Variants in RPP14 observed in about 807,000 individuals in gnomAD.
RPP14 encodes the protein ribonuclease P protein subunit p14.
Under a neutral mutation model 17.8 loss-of-function variants are expected in RPP14, and 19 were observed. The observed-to-expected ratio is 1.07, with a 90% confidence interval of 0.74 to 1.57. The LOEUF is 1.57. RPP14 is among the 40% of genes most tolerant of loss of function. The probability of loss-of-function intolerance (pLI) is 0.00; values close to 1 mark genes in which losing one functional copy is unlikely to be tolerated. For missense variants in RPP14, 125 were observed against 140.8 expected (o/e 0.89, Z 0.57); for synonymous variants, 60 against 56.4 (o/e 1.06, Z -0.29).
intron 1 of RPP14, chr3:58,307,994 T>C (rs1414800300): frequency 2.0e-5 from 3 of 152,144 alleles, no homozygotes; most frequent in African/African-American, 4.8e-5. Context: ...GTCTTCGTTT[T>C]ACTGGCATCT....
At chr3:58,309,367 A>G (rs1413886969) in intron 1 of RPP14, among the ~76,000 whole-genome samples, 4 of 152,222 alleles carry the variant, frequency 2.6e-5, no homozygotes, top group African/African-American at 9.6e-5. Flanking sequence ...AAATGGGAAT[A>G]ATAATACCTC....
At chr3:58,310,786 T>A (rs925058346) in intron 3 of RPP14, among the ~76,000 whole-genome samples, 195 bp downstream of exon 3, 1 of 151,928 alleles carries the variant, frequency 6.6e-6, no homozygotes, top group Non-Finnish European at 1.5e-5. Context: ...AAAGATAAGC[T>A]GGGTGTGGTG....
intron 3 of RPP14, among the ~76,000 whole-genome samples, chr3:58,313,215 C>T (rs966804787): frequency 3.9e-5 from 6 of 152,082 alleles, no homozygotes; most frequent in Admixed American, 6.5e-5. Flanking sequence ...GCCGAGATCA[C>T]GCCACTGCAC....
At chr3:58,310,675 G>A (rs898942841) in intron 3 of RPP14, 84 bp downstream of exon 3, 45 of 1,179,112 alleles carry the variant, frequency 3.8e-5, no homozygotes, top group Non-Finnish European at 5.1e-5. Context: ...GCTCACGCCT[G>A]TAATCCCAGC....
intron 1 of RPP14, among the ~76,000 whole-genome samples, chr3:58,309,667 G>A (rs865854388): frequency 1.3e-5 from 2 of 152,122 alleles, no homozygotes; most frequent in Non-Finnish European, 1.5e-5. Context: ...CGAGGCAGGC[G>A]TATCACGAGG....
chr3:58,307,947 A>G (rs1385439777), intron 1 of RPP14: 1 of 151,858 alleles, frequency 6.6e-6, no homozygotes, highest in Admixed American at 6.6e-5. Flanking sequence ...AACGCTGTGC[A>G]GCCATCACCA....
rs777856787 is a variant in RPP14 at position 58,317,592 on chromosome 3, A to G, written c.*96A>G. On this transcript the variant is annotated 3_prime_UTR_variant, in exon 6 of 6. Transcript: ENST00000295959. Reference sequence around the variant, plus strand: ...GACTGAAGCAGGCTAAAAGCTCTTGATGAAATTTGAGGGTGCTGAAGATGT... The same window carrying G: ...GACTGAAGCAGGCTAAAAGCTCTTGGTGAAATTTGAGGGTGCTGAAGATGT... 2.3e-6 allele frequency: 2 copies of G among 876,624 alleles called. No homozygotes were observed. The highest frequency in any genetic ancestry group is 1.7e-5 in the African/African-American group (1 of 60,542). The allele number at this position is 876,624 out of a possible 1,614,324, so 54.3% of individuals were successfully genotyped here.
intron 3 of RPP14, among the ~76,000 whole-genome samples, chr3:58,314,274 C>G (rs2097485620): frequency 6.6e-6 from 1 of 152,146 alleles, no homozygotes; most frequent in Non-Finnish European, 1.5e-5. Context: ...CCACTTGAAC[C>G]TGGGAGGCGG....
Position 58,318,338 on chromosome 3 carries a change from GT to G in RPP14, c.*848del. On this transcript the variant is annotated 3_prime_UTR_variant, in exon 6 of 6. Transcript: ENST00000295959. The stretch of plus-strand genomic sequence containing the variant: ...ATGCAGGATTTCATTATCTGCCTGG[GT>G]TTTTTGTTTGTTTTTTGTTTTTTAA... 1 of 424,714 alleles carries G rather than the reference GT, an allele frequency of 2.4e-6. No homozygotes were observed. The highest frequency in any genetic ancestry group is 4.1e-6 in the Non-Finnish European group (1 of 241,360). 26.3% of individuals were successfully genotyped at this position (424,714 alleles called of 1,614,324 possible).
At chr3:58,311,779 G>A (rs2097482519) in intron 3 of RPP14, among the ~76,000 whole-genome samples, 1 of 151,638 alleles carries the variant, frequency 6.6e-6, no homozygotes. Flanking sequence ...ATGCCCAGCT[G>A]CACATGTCTT....
In RPP14 at chr3:58,317,757, C is replaced by T. The variant is rs1359521784; in HGVS notation, c.*261C>T. ...ACCGCGCTGAACTTAGGAGGGCCTTCACACAGACTGATGTGGCTACCTTCT... is the reference window on the plus strand; with the variant it reads ...ACCGCGCTGAACTTAGGAGGGCCTTTACACAGACTGATGTGGCTACCTTCT... On this transcript the variant is annotated 3_prime_UTR_variant, in exon 6 of 6. Transcript: ENST00000295959. The T allele has an allele frequency of 1.4e-6, 1 of 703,134 alleles. No homozygotes were observed. Among genetic ancestry groups the T allele is most frequent in the Non-Finnish European group, 2.6e-6 (1 of 385,014 alleles). The allele number at this position is 703,134 out of a possible 1,614,324, so 43.6% of individuals were successfully genotyped here.
rs981160076 is a variant in RPP14, at chr3:58,319,907, C to T, written c.*2411C>T. ...TTTTCAGAATATCCACAAAGTTGTA[C>T]AACCATCACCAAATCAATTTTTTAT... On this transcript the variant is annotated 3_prime_UTR_variant, in exon 6 of 6. Coordinates refer to ENST00000295959, the MANE Select transcript of RPP14 (RefSeq NM_007042.6). 3 of 152,098 alleles carry T rather than the reference C, an allele frequency of 2.0e-5. No homozygotes were observed. Among genetic ancestry groups the T allele is most frequent in the Non-Finnish European group, 4.4e-5 (3 of 68,010 alleles). The allele number at this position is 152,098 out of a possible 1,614,324, so 9.4% of individuals were successfully genotyped here. A position where few individuals can be genotyped will look rare whatever the true frequency, so the allele number is the denominator to read the frequency against.
At chr3:58,313,198 G>T (rs1434877173) in intron 3 of RPP14, among the ~76,000 whole-genome samples, 1 of 152,010 alleles carries the variant, frequency 6.6e-6, no homozygotes, top group African/African-American at 2.4e-5. Context: ...GGTGGAGCTT[G>T]CAGTGAGCCG....
chr3:58,311,130 C>T (rs556640697), intron 3 of RPP14, among the ~76,000 whole-genome samples: 6 of 117,148 alleles, frequency 5.1e-5, no homozygotes, highest in African/African-American at 2.1e-4. Context: ...CTCATGAAAT[C>T]TACTTTTTGT....
At chr3:58,311,293 T>G (rs1160093923) in intron 3 of RPP14, among the ~76,000 whole-genome samples, 1 of 152,138 alleles carries the variant, frequency 6.6e-6, no homozygotes, top group Non-Finnish European at 1.5e-5. Context: ...TAGCTGAGAT[T>G]ACAGGCACAC....
intron 4 of RPP14, 107 bp from the exon 5 acceptor site, chr3:58,316,808 G>A (rs1428487300): frequency 9.6e-7 from 1 of 1,041,104 alleles, no homozygotes; most frequent in East Asian, 2.4e-5. Flanking sequence ...TTTTCCCATT[G>A]ATGGTTATAG....
At chr3:58,308,048 TC>T (rs1166255263) in intron 1 of RPP14, 7 of 151,434 alleles carry the variant, frequency 4.6e-5, no homozygotes, top group Non-Finnish European at 1.0e-4. Context: ...GGCAGCCAGC[TC>T]CATCAAGGCA....
chr3:58,306,740 T>G (rs2097475383), intron 1 of RPP14: 1 of 152,266 alleles, frequency 6.6e-6, no homozygotes, highest in Non-Finnish European at 1.5e-5. Flanking sequence ...AGTGATTGAT[T>G]TAGTCCAAAA....
intron 3 of RPP14, among the ~76,000 whole-genome samples, chr3:58,313,063 A>G (rs1296926195): frequency 6.6e-6 from 1 of 151,792 alleles, no homozygotes; most frequent in Non-Finnish European, 1.5e-5. Context: ...GCCGATCAAG[A>G]CCATCCTGGC....
Sources: gnomAD v4.1 joint callset for allele counts (sites outside exome capture counted in the v4.1 genomes callset) on GRCh38, gnomAD v4.1.1 for gene constraint, MANE v1.5 for transcripts, NCBI Gene and HGNC (gene_info 2026-07-23, HGNC 2026-07-21) for gene names.